AHRR: variants seen among roughly 807,000 people sequenced by gnomAD.
AHRR encodes aryl hydrocarbon receptor repressor, also known as ahR repressor.
Under a neutral mutation model 44.0 loss-of-function variants are expected in AHRR, and 28 were observed. The ratio of observed to expected loss-of-function variants is 0.64; its 90% CI spans 0.47 to 0.87. AHRR has a LOEUF of 0.87. AHRR is among the 40% of genes least tolerant of loss of function. The pLI is 0.00. For missense variants in AHRR, 990 were observed against 953.9 expected, an observed-to-expected ratio of 1.04 and a Z score of -0.50; for synonymous variants, 434 against 407.0, an observed-to-expected ratio of 1.07 and a Z score of -0.80.
intron 2 of AHRR, 135 bp from the exon 3 acceptor site, chr5:353,595 A>T: frequency 1.3e-6 from 1 of 757,126 alleles, no homozygotes; most frequent in Non-Finnish European, 2.1e-6. Context: ...GGTGAGCTTT[A>T]GTCCTCTTCC....
At chr5:365,514 C>A (rs904615008) in intron 3 of AHRR, among the ~76,000 whole-genome samples, 19 of 151,792 alleles carry the variant, frequency 1.3e-4, no homozygotes, top group African/African-American at 4.6e-4. Flanking sequence ...TAAAAGAAGG[C>A]TAAATATTAA....
chr5:434,810 T>G lies in AHRR; in HGVS notation c.2070T>G (p.Ala690=). 1 of 1,551,762 alleles carries G rather than the reference T, an allele frequency of 6.4e-7. No homozygotes were observed. Among genetic ancestry groups the G allele is most frequent in the South Asian group, 1.2e-5 (1 of 84,296 alleles). ...SALATLVPPQ[A]SGCTFLP is the part of the protein sequence containing the mutation. ...TGGCCACGCTGGTCCCGCCCCAAGCTTCGGGGTGCACATTCCTGCCATAGC... is the reference window on the plus strand; with the variant it reads ...TGGCCACGCTGGTCCCGCCCCAAGCGTCGGGGTGCACATTCCTGCCATAGC... The change falls in exon 11 of 11, where the codon GCT becomes GCG. Residue 690 remains alanine, a synonymous_variant. Coordinates refer to ENST00000684583, the MANE Select transcript of AHRR (RefSeq NM_001377236.1).
Position 434,131 on chromosome 5 carries a change from C to G in AHRR, c.1391C>G (p.Thr464Ser), listed in dbSNP as rs916892640. The G allele has an allele frequency of 1.2e-6, 2 of 1,611,934 alleles. No homozygotes were observed. Among genetic ancestry groups the G allele is most frequent in the African/African-American group, 1.3e-5 (1 of 74,892 alleles). Residue 464 changes from threonine (T) to serine (S), a missense_variant, in exon 11 of 11, where the codon ACC (threonine) becomes AGC (serine). Physicochemically the swap from Thr to Ser is moderately conservative, Grantham distance 58. Transcript: ENST00000684583. Reference protein sequence around the residue: ...SPSPSAYSSRTSRPMRDVGED... With the variant: ...SPSPSAYSSRSSRPMRDVGED... ...TCCCCCAGTGCCTACTCCAGCCGGA[C>G]CAGCAGACCCATGCGGGATGTCGGT... is the stretch of plus-strand genomic sequence containing the variant.
At chr5:379,396 C>T (rs1407420663) in intron 4 of AHRR, among the ~76,000 whole-genome samples, 1 of 152,242 alleles carries the variant, frequency 6.6e-6, no homozygotes, top group Non-Finnish European at 1.5e-5. Flanking sequence ...TAGACGTTCA[C>T]ATACAGGTGT....
chr5:426,915 AGATG>A (rs1450898288), intron 7 of AHRR, among the ~76,000 whole-genome samples: 3 of 138,792 alleles, frequency 2.2e-5, no homozygotes, highest in African/African-American at 8.2e-5. Context: ...ATGTATGGGA[AGATG>A]GATGGATGGA....
intron 4 of AHRR, among the ~76,000 whole-genome samples, chr5:392,498 A>G (rs1248910973): frequency 6.6e-6 from 1 of 152,146 alleles, no homozygotes; most frequent in Non-Finnish European, 1.5e-5. Context: ...AGGTGGGTGC[A>G]GATGTGGCAG....
Position 371,822 on chromosome 5 carries a change from C to T in AHRR, c.245-4788C>T, listed in dbSNP as rs75542801. Among the ~76,000 whole-genome samples, 1,106 of 152,314 alleles carry T rather than the reference C, an allele frequency of 7.3e-3. 11 individuals carry two copies. Among genetic ancestry groups the T allele is most frequent in the African/African-American group, 0.022 (930 of 41,570 alleles). ...TCCTAAACCGAGTCAGCTTGGGGGC[C>T]GCCTGCTCCTCTCTCCCTTACGCCC... On this transcript the variant is annotated intron_variant, in intron 3 of 10. Transcript: ENST00000684583.
Position 434,319 on chromosome 5 carries a change from C to G in AHRR, c.1579C>G (p.Leu527Val), listed in dbSNP as rs1481799947. The G allele has an allele frequency of 4.3e-6, 7 of 1,611,378 alleles. No individual in the cohort carries two copies. In the East Asian group the frequency reaches 1.1e-4, roughly 26 times the overall value. The change falls in exon 11 of 11, where the codon CTG (leucine) becomes GTG (valine). Residue 527 changes from leucine to valine, a missense_variant. Physicochemically the swap from Leu to Val is conservative, Grantham distance 32. Transcript: ENST00000684583. ...MPPGDLCGPT[L>V]LLDVSIKMEK... is the part of the protein sequence containing the mutation. The stretch of plus-strand genomic sequence containing the variant: ...TCCGGGGGACCTGTGTGGTCCGACG[C>G]TGCTGCTAGATGTGTCCATCAAGAT...
At chr5:417,320 G>T (rs7702269) in intron 5 of AHRR, among the ~76,000 whole-genome samples, 3,681 of 150,482 alleles carry the variant, frequency 0.024, 99 homozygotes, top group African/African-American at 0.082. Flanking sequence ...TCTAGAGAAG[G>T]CCGCTTGGTC....
chr5:424,101 G>A (rs1281833506), intron 7 of AHRR, 124 bp downstream of exon 7: 23 of 1,357,842 alleles, frequency 1.7e-5, no homozygotes, highest in Non-Finnish European at 2.3e-5. Flanking sequence ...GTGGAGGGAC[G>A]GGGGCCGGTG....
At chr5:427,576 A>G in intron 7 of AHRR, 25 of 1,595,812 alleles carry the variant, frequency 1.6e-5, no homozygotes, top group South Asian at 3.3e-5. Context: ...CCGCGGCTCC[A>G]GAGAAACTGG....
At chr5:429,831 G>A (rs1345420283) in intron 8 of AHRR, among the ~76,000 whole-genome samples, 1 of 152,262 alleles carries the variant, frequency 6.6e-6, no homozygotes, top group Non-Finnish European at 1.5e-5. Flanking sequence ...ACATTGCTGG[G>A]TTCAGACAGA....
intron 3 of AHRR, among the ~76,000 whole-genome samples, chr5:366,687 C>T (rs984544077): frequency 2.6e-5 from 4 of 152,258 alleles, no homozygotes; most frequent in Admixed American, 2.6e-4. Flanking sequence ...CCTAAGTGAT[C>T]GATCTTACCC....
In AHRR at chr5:404,118, G is replaced by A; in HGVS notation, c.352-9226G>A. Reference sequence around the variant, plus strand: ...TTGTCAGGGTTGGTCCAGGTTTGGGGTTACCCTTCTCCGTCTCTCTCAGCC... The same window carrying A: ...TTGTCAGGGTTGGTCCAGGTTTGGGATTACCCTTCTCCGTCTCTCTCAGCC... On this transcript the variant is annotated intron_variant, in intron 4 of 10. Transcript: ENST00000684583. This position sits in a 1 kb window ranked among gnomAD's most constrained non-coding sequence, Gnocchi z 4.1. The A allele has an allele frequency of 1.8e-6, 1 of 569,196 alleles. No homozygotes were observed. The highest frequency in any genetic ancestry group is 3.3e-6 in the Non-Finnish European group (1 of 298,868). The allele number at this position is 569,196 out of a possible 1,614,324, so 35.3% of individuals were successfully genotyped here.
chr5:434,359 G>C lies in AHRR; in HGVS notation c.1619G>C (p.Gly540Ala). 1 of 1,613,486 alleles carries C rather than the reference G, an allele frequency of 6.2e-7. No homozygotes were observed. The change falls in exon 11 of 11, where the codon GGG becomes GCG. Residue 540 changes from glycine to alanine, a missense_variant. Coordinates refer to ENST00000684583, the MANE Select transcript of AHRR (RefSeq NM_001377236.1). ...DVSIKMEKDS[G>A]CEGAADGCVP... is the part of the protein sequence containing the mutation. ...TCCATCAAGATGGAGAAGGACTCTG[G>C]GTGTGAGGGTGCTGCAGACGGCTGT... is the stretch of plus-strand genomic sequence containing the variant.
At position 404,337 on chromosome 5, in the gene AHRR, C is replaced by CTTTTTTTTTTTTTTTTTTTTTTT; in HGVS notation, c.352-8997_352-8996insTTTTTTTTTTTTTTTTTTTTTTT. ...CAGTGTTACTAAAAGCTGTTTCACT[C>CTTTTTTTTTTTTTTTTTTTTTTT]TTTTTTTTTTCTTTTTTCCTTCATT... On this transcript the variant is annotated intron_variant, in intron 4 of 10. Coordinates refer to ENST00000684583, the MANE Select transcript of AHRR (RefSeq NM_001377236.1). This position sits in a 1 kb window ranked among gnomAD's most constrained non-coding sequence, Gnocchi z 4.1. The CTTTTTTTTTTTTTTTTTTTTTTT allele has an allele frequency of 2.2e-6, 1 of 460,314 alleles. No homozygotes were observed. Among genetic ancestry groups the CTTTTTTTTTTTTTTTTTTTTTTT allele is most frequent in the Non-Finnish European group, 4.3e-6 (1 of 230,790 alleles). The allele number at this position is 460,314 out of a possible 1,614,324, so 28.5% of individuals were successfully genotyped here.
chr5:382,632 T>C (rs898369525), intron 4 of AHRR, among the ~76,000 whole-genome samples: 14 of 152,276 alleles, frequency 9.2e-5, no homozygotes, highest in African/African-American at 3.4e-4. Context: ...ATTTTATTGG[T>C]ACCTGTTCTT....
chr5:410,140 C>T (rs1242910582), intron 4 of AHRR, among the ~76,000 whole-genome samples: 2 of 152,296 alleles, frequency 1.3e-5, no homozygotes, highest in East Asian at 1.9e-4. Context: ...TCCACAATTT[C>T]GTTCTTTTTT....
Position 370,896 on chromosome 5 carries a change from C to T in AHRR, c.245-5714C>T, listed in dbSNP as rs1057184230. ...GAGGCTGGGCCTGGTGTGGAGCTCTCGGCCGACCTCGGGCCGGGCTTTACA... is the reference window on the plus strand; with the variant it reads ...GAGGCTGGGCCTGGTGTGGAGCTCTTGGCCGACCTCGGGCCGGGCTTTACA... On this transcript the variant is annotated intron_variant, in intron 3 of 10. Coordinates refer to ENST00000684583, the MANE Select transcript of AHRR (RefSeq NM_001377236.1). The surrounding 1 kb of genome is among the most constrained non-coding windows in gnomAD (Gnocchi z 4.5). 7.9e-5 allele frequency among the ~76,000 whole-genome samples: 12 copies of T among 152,036 alleles called. No individual in the cohort carries two copies. Among genetic ancestry groups the T allele is most frequent in the Admixed American group, 2.0e-4 (3 of 15,278 alleles).
Sources: gnomAD v4.1 joint callset for allele counts (sites outside exome capture counted in the v4.1 genomes callset) on GRCh38, gnomAD v4.1.1 for gene constraint, Gnocchi (gnomAD v3.1) non-coding constraint, MANE v1.5 for transcripts, NCBI Gene and HGNC (gene_info 2026-07-23, HGNC 2026-07-21) for gene names.